Variants in PIGN observed in about 807,000 individuals in gnomAD.
PIGN encodes the protein phosphatidylinositol glycan anchor biosynthesis class N.
A neutral mutation model predicts 125.4 loss-of-function variants in PIGN; 117 were observed. The observed-to-expected ratio is 0.93, with a 90% CI of 0.80 to 1.09. The LOEUF is 1.09. Among genes scored for constraint, PIGN ranks in the 50% least tolerant of loss-of-function variants. PIGN has a pLI of 0.00. For synonymous variants in PIGN, 392 were observed against 377.8 expected (o/e 1.04, Z -0.44); for missense variants, 1,075 against 1,094.9 (o/e 0.98, Z 0.26).
At chr18:62,050,859 T>G (rs1232490768) in intron 30 of PIGN, among the ~76,000 whole-genome samples, 1 of 151,208 alleles carries the variant, frequency 6.6e-6, no homozygotes, top group Non-Finnish European at 1.5e-5. Flanking sequence ...GCTCTTATTA[T>G]TTTGAGATAC....
At chr18:62,023,360 C>T (rs117917808) in intron 23 of PIGN, among the ~76,000 whole-genome samples, 1 of 152,196 alleles carries the variant, frequency 6.6e-6, no homozygotes, top group Non-Finnish European at 1.5e-5. Flanking sequence ...TTTCACTTAG[C>T]ATAATGTTTT....
intron 14 of PIGN, among the ~76,000 whole-genome samples, chr18:62,129,633 G>T (rs1473993838): frequency 6.6e-6 from 1 of 151,990 alleles, no homozygotes; most frequent in Non-Finnish European, 1.5e-5. Context: ...TTGCTATACT[G>T]TCTATATGTT....
chr18:62,049,519 C>T (rs1173535189), intron 30 of PIGN, among the ~76,000 whole-genome samples: 5 of 151,646 alleles, frequency 3.3e-5, no homozygotes, highest in African/African-American at 7.3e-5. Flanking sequence ...AAGTGTCTGT[C>T]CATGTCCTTC....
intron 30 of PIGN, among the ~76,000 whole-genome samples, chr18:62,071,412 T>C (rs2032838062): frequency 1.3e-5 from 2 of 152,210 alleles, no homozygotes; most frequent in South Asian, 4.1e-4. Flanking sequence ...GCTAATGTGC[T>C]AATGCCAAGA....
chr18:62,057,692 C>G (rs938023610), intron 30 of PIGN, among the ~76,000 whole-genome samples: 2 of 152,204 alleles, frequency 1.3e-5, no homozygotes, highest in African/African-American at 4.8e-5. Flanking sequence ...ACTCCCAATT[C>G]TTTACAATGA....
rs956451867 is a variant in PIGN at position 62,143,432 on chromosome 18, T to C, written c.923-86A>G. 26 of 796,132 alleles carry C rather than the reference T, an allele frequency of 3.3e-5. 1 individual carries two copies. Among genetic ancestry groups the C allele is most frequent in the East Asian group, 3.0e-4 (11 of 36,942 alleles). The allele number at this position is 796,132 out of a possible 1,614,324, so 49.3% of individuals were successfully genotyped here. On this transcript the variant is annotated intron_variant, in intron 10 of 30. Coordinates refer to ENST00000640252, the MANE Select transcript of PIGN (RefSeq NM_176787.5). ...GATTTTTAGGAGTGGCCAATACTTA[T>C]GGAAAACATAGGTGTTAGAAATGTC...
rs2030395789 is a variant in PIGN at position 62,041,869 on chromosome 18, C to CT, written c.*3986dup. 1.3e-5 allele frequency: 2 copies of CT among 151,960 alleles called. No individual in the cohort carries two copies. Among genetic ancestry groups the CT allele is most frequent in the African/African-American group, 2.4e-5 (1 of 41,358 alleles). The allele number at this position is 151,960 out of a possible 1,614,324, so 9.4% of individuals were successfully genotyped here. ...ATGTTTACCAATCAGGAAGAAAACT[C>CT]TAAGACAGGGTCTGCTGTCAAGCTA... On this transcript the variant is annotated 3_prime_UTR_variant, in exon 31 of 31. Transcript: ENST00000640252.
In PIGN at chr18:62,109,953, A is replaced by T; in HGVS notation, c.1455T>A (p.Pro485=). 1 of 1,613,468 alleles carries T rather than the reference A, an allele frequency of 6.2e-7. No homozygotes were observed. The highest frequency in any genetic ancestry group is 8.5e-7 in the Non-Finnish European group (1 of 1,179,556). The part of the protein sequence containing the change: ...KEVKKPSHLL[P]CSFVAIGILV... The stretch of plus-strand genomic sequence containing the variant: ...AAATGCCAATAGCTACAAAACTACA[A>T]GGCAGGAGATGGCTTGGTTTCTGAA... The change falls in exon 17 of 31, where the codon CCT becomes CCA. Residue 485 remains proline, a synonymous_variant. Transcript: ENST00000640252.
At chr18:62,029,774 C>T (rs144320105) in intron 23 of PIGN, among the ~76,000 whole-genome samples, 26 of 152,278 alleles carry the variant, frequency 1.7e-4, no homozygotes, top group Admixed American at 2.6e-4. Context: ...TCTAATTCCT[C>T]GGCAGGAGTG....
In PIGN at chr18:62,041,770, C is replaced by CCA. The variant is rs1160553382; in HGVS notation, c.*4084_*4085dup. On this transcript the variant is annotated 3_prime_UTR_variant, in exon 31 of 31. Coordinates refer to ENST00000640252, the MANE Select transcript of PIGN (RefSeq NM_176787.5). ...TCTCGAACTCCTGACCTCAAGTGAT[C>CCA]CACCCACCTCGGCCTCCCAAAGTGC... 1 of 149,390 alleles carries CCA rather than the reference C, an allele frequency of 6.7e-6. No individual in the cohort carries two copies. The highest frequency in any genetic ancestry group is 1.5e-5 in the Non-Finnish European group (1 of 67,646). The allele number at this position is 149,390 out of a possible 1,614,324, so 9.3% of individuals were successfully genotyped here.
chr18:62,164,271 T>A (rs1273027585), intron 1 of PIGN, among the ~76,000 whole-genome samples: 3 of 152,252 alleles, frequency 2.0e-5, no homozygotes, highest in Admixed American at 6.5e-5. Context: ...CTGTCTCTGC[T>A]GCAGACATAT....
At chr18:62,019,898 G>C (rs970425956) in intron 23 of PIGN, among the ~76,000 whole-genome samples, 3 of 152,232 alleles carry the variant, frequency 2.0e-5, no homozygotes, top group South Asian at 4.1e-4. Flanking sequence ...CCAGACTGTG[G>C]CACAGGGAGG....
intron 25 of PIGN, among the ~76,000 whole-genome samples, chr18:62,085,768 C>T (rs1774633117): frequency 6.6e-6 from 1 of 152,148 alleles, no homozygotes; most frequent in Non-Finnish European, 1.5e-5. Flanking sequence ...TGCTGAACAT[C>T]TTTTTGACAT....
chr18:62,087,031 T>C (rs1168699767), intron 25 of PIGN, among the ~76,000 whole-genome samples: 3 of 152,122 alleles, frequency 2.0e-5, no homozygotes, highest in Non-Finnish European at 2.9e-5. Flanking sequence ...CCCAGCAGAA[T>C]GTTAGACATG....
chr18:62,074,568 A>G (rs768638077), intron 29 of PIGN, among the ~76,000 whole-genome samples: 1 of 152,234 alleles, frequency 6.6e-6, no homozygotes, highest in Non-Finnish European at 1.5e-5. Flanking sequence ...GAGGTATGAC[A>G]AATTCAAGTA....
chr18:62,183,486 G>A (rs906122814), intron 1 of PIGN, among the ~76,000 whole-genome samples: 2 of 152,132 alleles, frequency 1.3e-5, no homozygotes, highest in Admixed American at 6.5e-5. Flanking sequence ...GAATGTACTT[G>A]CAACCTATCT....
intron 1 of PIGN, among the ~76,000 whole-genome samples, chr18:62,177,950 C>T (rs894478008): frequency 5.9e-5 from 9 of 152,104 alleles, no homozygotes; most frequent in Non-Finnish European, 8.8e-5. Flanking sequence ...TTGTCTAGTG[C>T]TCACAGATCT....
chr18:62,070,385 C>T (rs1167109183), intron 30 of PIGN: 22 of 398,356 alleles, frequency 5.5e-5, no homozygotes, highest in East Asian at 3.2e-4. Flanking sequence ...GTACCTTTTA[C>T]GTACCAAGCA....
chr18:62,163,576 G>C lies in PIGN; in HGVS notation c.-155C>G, dbSNP rs905679924. On this transcript the variant is annotated 5_prime_UTR_variant, in exon 2 of 31. Transcript: ENST00000640252. The stretch of plus-strand genomic sequence containing the variant: ...TGTTCAAAAAGATTTAGCTTTTAAG[G>C]AACATCTATGTTCAAAATTATAGGT... 1 of 152,020 alleles carries C rather than the reference G, an allele frequency of 6.6e-6. No individual in the cohort carries two copies. Among genetic ancestry groups the C allele is most frequent in the Admixed American group, 6.6e-5 (1 of 15,262 alleles). 9.4% of individuals were successfully genotyped at this position (152,020 alleles called of 1,614,324 possible). A position where few individuals can be genotyped will look rare whatever the true frequency, so the allele number is the denominator to read the frequency against.
Sources: gnomAD v4.1 joint callset for allele counts (sites outside exome capture counted in the v4.1 genomes callset) on GRCh38, gnomAD v4.1.1 for gene constraint, MANE v1.5 for transcripts, NCBI Gene and HGNC (gene_info 2026-07-23, HGNC 2026-07-21) for gene names.